The following IGF2 variants were observed in gnomAD, a reference collection of about 807,000 sequenced individuals.
IGF2 encodes the protein insulin like growth factor 2.
A neutral mutation model predicts 12.0 loss-of-function variants in IGF2; 2 were observed. That is an observed-to-expected ratio of 0.17 (90% CI 0.07 to 0.52). The LOEUF (loss-of-function observed/expected upper bound fraction) is 0.52, where lower values mean the gene tolerates loss of function less well. Among genes scored for constraint, IGF2 ranks in the 20% least tolerant of loss-of-function variants. The probability of loss-of-function intolerance (pLI) is 0.95; values close to 1 mark genes in which losing one functional copy is unlikely to be tolerated. For missense variants in IGF2, 211 were observed against 268.0 expected (o/e 0.79, Z 1.48); for synonymous variants, 105 against 110.1 (o/e 0.95, Z 0.29).
chr11:2,140,111 C>T, upstream of IGF2: 1 of 1,608,550 alleles, frequency 6.2e-7, no homozygotes, highest in Non-Finnish European at 8.5e-7. Context: ...AGGATCAGGG[C>T]GGGAAACACA....
intron 2 of IGF2, among the ~76,000 whole-genome samples, chr11:2,134,441 T>C (rs1858847092): frequency 1.3e-5 from 2 of 152,292 alleles, no homozygotes; most frequent in Non-Finnish European, 2.9e-5. Context: ...TACCCCCAAA[T>C]GGGGCAGGCA....
chr11:2,149,065 C>T, the IGF2 span: 4 of 1,502,248 alleles, frequency 2.7e-6, no homozygotes, highest in African/African-American at 1.4e-5. Context: ...CCGGCCCACC[C>T]ACGCCTGAAC....
In IGF2 at chr11:2,138,698, G is replaced by A; in HGVS notation, c.-476C>T. The stretch of plus-strand genomic sequence containing the variant: ...TGGTTCGGCGAAGGCGAGAGGGCGG[G>A]CGTGAGGGGGGGAGGGAGTCGGAGG... On this transcript the variant is annotated 5_prime_UTR_variant, in exon 1 of 4. Coordinates refer to ENST00000416167, the MANE Select transcript of IGF2 (RefSeq NM_000612.6). The A allele has an allele frequency of 1.2e-6, 1 of 833,348 alleles. No individual in the cohort carries two copies. Among genetic ancestry groups the A allele is most frequent in the African/African-American group, 2.0e-5 (1 of 50,618 alleles). The allele number at this position is 833,348 out of a possible 1,614,324, so 51.6% of individuals were successfully genotyped here.
upstream of IGF2, chr11:2,140,895 C>A: frequency 2.6e-6 from 1 of 378,030 alleles, no homozygotes; most frequent in Non-Finnish European, 5.1e-6. Flanking sequence ...GCACCAGGAG[C>A]TCAGGCAGCG....
chr11:2,131,995 TTGTG>T lies in IGF2; in HGVS notation c.*988_*991del, dbSNP rs933361896. On this transcript the variant is annotated 3_prime_UTR_variant, in exon 4 of 4. Transcript: ENST00000416167. Reference sequence around the variant, plus strand: ...GTGTGTGCGTGTGTGTGCTGTGCGTTTGTGTGTGTGCTGTGTGCTCATCTGTGTG... The same window carrying T: ...GTGTGTGCGTGTGTGTGCTGTGCGTTTGTGTGCTGTGTGCTCATCTGTGTG... 2 of 168,204 alleles carry T rather than the reference TTGTG, an allele frequency of 1.2e-5. No individual in the cohort carries two copies. Among genetic ancestry groups the T allele is most frequent in the African/African-American group, 5.9e-5 (2 of 33,832 alleles). The allele number at this position is 168,204 out of a possible 1,614,324, so 10.4% of individuals were successfully genotyped here.
In IGF2 at chr11:2,133,037, C is replaced by G. The variant is rs1858722493; in HGVS notation, c.493G>C (p.Asp165His). 1 of 1,585,636 alleles carries G rather than the reference C, an allele frequency of 6.3e-7. No homozygotes were observed. Residue 165 changes from aspartate (D) to histidine (H), a missense_variant, in exon 4 of 4, where the codon GAC becomes CAC. Transcript: ENST00000416167. The surrounding 1 kb of genome is among the most constrained non-coding windows in gnomAD (Gnocchi z 8.9). ...GGGGGGGCGCCCCCGTGGGCGGGGT[C>G]TTGGGTGGGTAGAGCAATCAGGGGA... ...HRPLIALPTQ[D>H]PAHGGAPPEM...
the IGF2 span, chr11:2,147,847 T>C: frequency 5.8e-4 from 717 of 1,226,696 alleles, 2 homozygotes; most frequent in Middle Eastern, 1.3e-3. The surrounding 1 kb of genome is among the most constrained non-coding windows in gnomAD (Gnocchi z 7.2). Context: ...ATGACCTCTT[T>C]TAAAAGCAAA....
chr11:2,137,701 G>A (rs1214288193), intron 1 of IGF2, among the ~76,000 whole-genome samples: 3 of 152,156 alleles, frequency 2.0e-5, no homozygotes, highest in Non-Finnish European at 4.4e-5. Context: ...GACAGAGCCA[G>A]AGGGGGTGTG....
In IGF2 at chr11:2,132,025, CTGTGTGTGCTGTGCGTTTG is replaced by C. The variant is rs1564892700; in HGVS notation, c.*943_*961del. On this transcript the variant is annotated 3_prime_UTR_variant, in exon 4 of 4. Coordinates refer to ENST00000416167, the MANE Select transcript of IGF2 (RefSeq NM_000612.6). ...TGTGTGCTGTGTGCTCATCTGTGTG[CTGTGTGTGCTGTGCGTTTG>C]TGTGTGTGCTGTGCTCGTGTGTGTG... The C allele has an allele frequency of 3.3e-5, 1 of 30,586 alleles. No individual in the cohort carries two copies. Among genetic ancestry groups the C allele is most frequent in the Non-Finnish European group, 6.1e-5 (1 of 16,460 alleles). 1.9% of individuals were successfully genotyped at this position (30,586 alleles called of 1,614,324 possible).
chr11:2,140,845 C>T (rs752377250), upstream of IGF2: 11 of 338,614 alleles, frequency 3.2e-5, no homozygotes, highest in South Asian at 2.1e-4. Flanking sequence ...ATCGGCGCGG[C>T]GGGGAGCTCA....
chr11:2,133,030 G>A lies in IGF2; in HGVS notation c.500C>T (p.Ala167Val). 3.8e-6 allele frequency: 6 copies of A among 1,566,134 alleles called. No individual in the cohort carries two copies. The highest frequency in any genetic ancestry group is 5.2e-6 in the Non-Finnish European group (6 of 1,155,336). ...PLIALPTQDP[A>V]HGGAPPEMAS... ...CATCTCTGGGGGGGCGCCCCCGTGG[G>A]CGGGGTCTTGGGTGGGTAGAGCAAT... Residue 167 changes from alanine to valine, a missense_variant, in exon 4 of 4, where the codon GCC becomes GTC. This residue lies in a region of IGF2 where 141 missense variants were observed against 153.1 expected (regional missense o/e 0.92). Coordinates refer to ENST00000416167, the MANE Select transcript of IGF2 (RefSeq NM_000612.6). The surrounding 1 kb of genome is among the most constrained non-coding windows in gnomAD (Gnocchi z 8.9).
At position 2,133,260 on chromosome 11, in the gene IGF2, C is replaced by G; in HGVS notation, c.307-37G>C. ...AGGGGCTGGTCAGCAGGTGCCTGCT[C>G]TCCACGCTCTTCCGCCTGAGCCGCC... On this transcript the variant is annotated intron_variant, in intron 3 of 3. Coordinates refer to ENST00000416167, the MANE Select transcript of IGF2 (RefSeq NM_000612.6). The surrounding 1 kb of genome is among the most constrained non-coding windows in gnomAD (Gnocchi z 8.9). 2 of 1,383,288 alleles carry G rather than the reference C, an allele frequency of 1.4e-6. No homozygotes were observed. The highest frequency in any genetic ancestry group is 2.0e-6 in the Non-Finnish European group (2 of 1,014,804). The allele number at this position is 1,383,288 out of a possible 1,614,324, so 85.7% of individuals were successfully genotyped here. A position where few individuals can be genotyped will look rare whatever the true frequency, so the allele number is the denominator to read the frequency against.
At position 2,139,044 on chromosome 11, in the gene IGF2, G is replaced by C. The variant is rs1365536396; in HGVS notation, c.-822C>G. 3 of 651,280 alleles carry C rather than the reference G, an allele frequency of 4.6e-6. No homozygotes were observed. The highest frequency in any genetic ancestry group is 5.6e-6 in the Non-Finnish European group (3 of 533,918). The allele number at this position is 651,280 out of a possible 1,614,324, so 40.3% of individuals were successfully genotyped here. Reference sequence around the variant, plus strand: ...GCGGCCCGAGGCTGCGCGCCGGGGGGAGGGCTGGAGGGGGAGCGCGGGGGG... The same window carrying C: ...GCGGCCCGAGGCTGCGCGCCGGGGGCAGGGCTGGAGGGGGAGCGCGGGGGG... On this transcript the variant is annotated 5_prime_UTR_variant, in exon 1 of 4. Transcript: ENST00000416167.
chr11:2,133,173 C>T lies in IGF2; in HGVS notation c.357G>A (p.Trp119Ter). The T allele has an allele frequency of 6.3e-7, 1 of 1,586,976 alleles. No individual in the cohort carries two copies. The highest frequency in any genetic ancestry group is 8.6e-7 in the Non-Finnish European group (1 of 1,165,374). Residue 119 changes from tryptophan (W) to a stop codon, truncating the protein, a stop_gained, in exon 4 of 4, where the codon TGG becomes TGA. Coordinates refer to ENST00000416167, the MANE Select transcript of IGF2 (RefSeq NM_000612.6). LOFTEE classifies it high-confidence loss of function. This position sits in a 1 kb window ranked among gnomAD's most constrained non-coding sequence, Gnocchi z 8.9. ...PVGKFFQYDT[W>*]KQSTQRLRRG... ...TGCGCAGGCGCTGGGTGGACTGCTT[C>T]CAGGTGTCATATTGGAAGAACTTGC...
chr11:2,129,348 G>C lies in IGF2; in HGVS notation c.*3639C>G. 4.5e-6 allele frequency: 1 copy of C among 223,494 alleles called. No homozygotes were observed. The highest frequency in any genetic ancestry group is 8.9e-6 in the Non-Finnish European group (1 of 111,790). The allele number at this position is 223,494 out of a possible 1,614,324, so 13.8% of individuals were successfully genotyped here. A position where few individuals can be genotyped will look rare whatever the true frequency, so the allele number is the denominator to read the frequency against. The stretch of plus-strand genomic sequence containing the variant: ...AGGGGGCCCCCCACTGAAGACATTG[G>C]GGACACGGGGAGGAGACAAGATGGA... On this transcript the variant is annotated 3_prime_UTR_variant, in exon 4 of 4. Coordinates refer to ENST00000416167, the MANE Select transcript of IGF2 (RefSeq NM_000612.6). This position sits in a 1 kb window ranked among gnomAD's most constrained non-coding sequence, Gnocchi z 8.1.
Position 2,131,602 on chromosome 11 carries a change from CGTGTGTGCTGTGTGTGCATGT to C in IGF2, c.*1364_*1384del, listed in dbSNP as rs1316626386. ...GCTGTGTTCATGTGTGCTGTGCATG[CGTGTGTGCTGTGTGTGCATGT>C]GTGTGCTGTGTGCTGTGTTCATGTG... On this transcript the variant is annotated 3_prime_UTR_variant, in exon 4 of 4. Transcript: ENST00000416167. 2 of 147,392 alleles carry C rather than the reference CGTGTGTGCTGTGTGTGCATGT, an allele frequency of 1.4e-5. No individual in the cohort carries two copies. Among genetic ancestry groups the C allele is most frequent in the Non-Finnish European group, 2.6e-5 (2 of 76,656 alleles). 9.1% of individuals were successfully genotyped at this position (147,392 alleles called of 1,614,324 possible).
In IGF2 at chr11:2,133,014, G is replaced by C; in HGVS notation, c.516C>G (p.Pro172=). The C allele has an allele frequency of 6.4e-7, 1 of 1,551,040 alleles. No homozygotes were observed. The highest frequency in any genetic ancestry group is 8.7e-7 in the Non-Finnish European group (1 of 1,148,680). ...ACTTCCGATTGCTGGCCATCTCTGG[G>C]GGGGCGCCCCCGTGGGCGGGGTCTT... ...PTQDPAHGGA[P]PEMASNRK Residue 172 remains proline (P), a synonymous_variant, in exon 4 of 4, where the codon CCC becomes CCG. Transcript: ENST00000416167. The surrounding 1 kb of genome is among the most constrained non-coding windows in gnomAD (Gnocchi z 8.9).
At chr11:2,149,283 T>C in the IGF2 span, 2 of 1,613,646 alleles carry the variant, frequency 1.2e-6, no homozygotes, top group Non-Finnish European at 8.5e-7. Flanking sequence ...GGGGGTGCCC[T>C]GGCTGTGGCG....
At chr11:2,147,581 T>G in the IGF2 span, 4 of 1,221,254 alleles carry the variant, frequency 3.3e-6, no homozygotes, top group African/African-American at 1.6e-5. The surrounding 1 kb of genome is among the most constrained non-coding windows in gnomAD (Gnocchi z 7.2). Context: ...TGCCTCGCAG[T>G]TGGGGCTGAG....
Sources: gnomAD v4.1 joint callset for allele counts (sites outside exome capture counted in the v4.1 genomes callset) on GRCh38, gnomAD v4.1.1 for gene constraint, gnomAD v4.1.1 regional missense constraint, Gnocchi (gnomAD v3.1) non-coding constraint, MANE v1.5 for transcripts, NCBI Gene and HGNC (gene_info 2026-07-23, HGNC 2026-07-21) for gene names.